The following BCL2 variants were observed in gnomAD, a reference collection of about 807,000 sequenced individuals.
BCL2 encodes the protein apoptosis regulator Bcl-2.
In BCL2, 1 loss-of-function variant was observed where a neutral mutation model predicts 14.2. That is an observed-to-expected ratio of 0.07 (90% CI 0.02 to 0.33). The LOEUF is 0.33. Ranked by LOEUF, BCL2 falls within the 10% of genes least tolerant of loss-of-function variation. The pLI, the probability that BCL2 is intolerant of heterozygous loss-of-function variation, is 0.99. For synonymous variants in BCL2, 151 were observed against 137.2 expected (o/e 1.10, Z -0.70); for missense variants, 247 against 305.9 (o/e 0.81, Z 1.44).
At chr18:63,259,727 G>A (rs954784451) in intron 2 of BCL2, among the ~76,000 whole-genome samples, 9 of 152,204 alleles carry the variant, frequency 5.9e-5, no homozygotes, top group Admixed American at 2.0e-4. Context: ...AGGTCACCTC[G>A]GAATGGACTT....
At chr18:63,282,793 A>C (rs1343709817) in intron 2 of BCL2, among the ~76,000 whole-genome samples, 4 of 152,198 alleles carry the variant, frequency 2.6e-5, no homozygotes, top group Admixed American at 2.6e-4. Flanking sequence ...ATATATAGAT[A>C]TATATATCAT....
chr18:63,278,518 C>T (rs1171858007), intron 2 of BCL2, among the ~76,000 whole-genome samples: 12 of 152,196 alleles, frequency 7.9e-5, no homozygotes, highest in Admixed American at 7.9e-4. Context: ...ATCACCCTGG[C>T]CTGCCTTCAG....
At chr18:63,290,329 C>T (rs1276135926) in intron 2 of BCL2, among the ~76,000 whole-genome samples, 1 of 151,886 alleles carries the variant, frequency 6.6e-6, no homozygotes, top group African/African-American at 2.4e-5. Context: ...CAGCTGCATA[C>T]AGACGATACG....
Position 63,180,588 on chromosome 18 carries a change from C to T in BCL2, c.586-51829G>A, listed in dbSNP as rs118052943. 8.0e-4 allele frequency among the ~76,000 whole-genome samples: 117 copies of T among 146,258 alleles called. No homozygotes were observed. The East Asian group carries it at 0.017, about 22-fold the overall frequency. On this transcript the variant is annotated intron_variant, in intron 2 of 2. Coordinates refer to ENST00000333681, the MANE Select transcript of BCL2 (RefSeq NM_000633.3). ...CACTTTCCCAGGCTGACCACGGCAA[C>T]GTGAATGCTTCGCTGCCAGCCAGCT... is the stretch of plus-strand genomic sequence containing the variant.
chr18:63,198,011 T>G (rs1487649422), intron 2 of BCL2, among the ~76,000 whole-genome samples: 1 of 152,218 alleles, frequency 6.6e-6, no homozygotes, highest in Non-Finnish European at 1.5e-5. Flanking sequence ...GCTTTTCAGG[T>G]TATTTGGTCT....
chr18:63,283,057 T>C (rs896428676), intron 2 of BCL2, among the ~76,000 whole-genome samples: 3 of 152,244 alleles, frequency 2.0e-5, no homozygotes, highest in Non-Finnish European at 2.9e-5. Context: ...AGTACTTCTA[T>C]TGAATGCTCC....
Position 63,318,562 on chromosome 18 carries a change from C to G in BCL2, c.105G>C (p.Val35=). The change falls in exon 2 of 3, where the codon GTG becomes GTC. Residue 35 remains valine (V), a synonymous_variant. Coordinates refer to ENST00000333681, the MANE Select transcript of BCL2 (RefSeq NM_000633.3). This position sits in a 1 kb window ranked among gnomAD's most constrained non-coding sequence, Gnocchi z 7.4. ...GGGCGGCCCCCGGGGGCGCGGCGCCCACATCTCCCGCATCCCACTCGTAGC... is the reference window on the plus strand; with the variant it reads ...GGGCGGCCCCCGGGGGCGCGGCGCCGACATCTCCCGCATCCCACTCGTAGC... ...QRGYEWDAGD[V]GAAPPGAAPA... 2 of 1,593,518 alleles carry G rather than the reference C, an allele frequency of 1.3e-6. No individual in the cohort carries two copies. The highest frequency in any genetic ancestry group is 1.7e-6 in the Non-Finnish European group (2 of 1,171,910).
chr18:63,226,313 G>A (rs778664243), intron 2 of BCL2, among the ~76,000 whole-genome samples: 3 of 152,150 alleles, frequency 2.0e-5, no homozygotes, highest in African/African-American at 4.8e-5. Flanking sequence ...GGCAACATTC[G>A]AGTGGGAAAA....
At chr18:63,236,010 C>T (rs1171001628) in intron 2 of BCL2, among the ~76,000 whole-genome samples, 1 of 152,182 alleles carries the variant, frequency 6.6e-6, no homozygotes, top group Non-Finnish European at 1.5e-5. Context: ...ATAATCCCCA[C>T]GTATCATGGG....
chr18:63,184,180 G>T (rs765546894), intron 2 of BCL2, among the ~76,000 whole-genome samples: 2 of 152,230 alleles, frequency 1.3e-5, no homozygotes, highest in Non-Finnish European at 2.9e-5. Context: ...AAGGAGCCTT[G>T]ACCAACTACC....
chr18:63,206,993 A>C (rs532006270), intron 2 of BCL2, among the ~76,000 whole-genome samples: 26 of 152,300 alleles, frequency 1.7e-4, no homozygotes, highest in African/African-American at 6.3e-4. Context: ...CTGCTGACAG[A>C]GGCTGACAGA....
chr18:63,311,513 C>G (rs1248981850), intron 2 of BCL2, among the ~76,000 whole-genome samples: 1 of 152,166 alleles, frequency 6.6e-6, no homozygotes, highest in Non-Finnish European at 1.5e-5. Context: ...TAAAGCTTCA[C>G]TTGACACAGT....
intron 2 of BCL2, among the ~76,000 whole-genome samples, chr18:63,156,630 C>T (rs940103434): frequency 2.6e-5 from 4 of 152,210 alleles, no homozygotes; most frequent in African/African-American, 7.2e-5. Flanking sequence ...CCACCTCCCC[C>T]GTCCACCTGA....
intron 2 of BCL2, among the ~76,000 whole-genome samples, chr18:63,273,129 G>A (rs1912050297): frequency 6.6e-6 from 1 of 152,144 alleles, no homozygotes; most frequent in Non-Finnish European, 1.5e-5. Context: ...GTTTTTAAGT[G>A]GCAAATTTTA....
intron 2 of BCL2, among the ~76,000 whole-genome samples, chr18:63,175,444 C>T (rs1915329918): frequency 6.6e-6 from 1 of 152,160 alleles, no homozygotes; most frequent in Non-Finnish European, 1.5e-5. Context: ...GCACCTAGGC[C>T]AATCAGACTA....
At chr18:63,214,204 G>A (rs1361849775) in intron 2 of BCL2, among the ~76,000 whole-genome samples, 1 of 152,214 alleles carries the variant, frequency 6.6e-6, no homozygotes, top group Non-Finnish European at 1.5e-5. Flanking sequence ...GGAAGTGCCA[G>A]CAGACACCAG....
chr18:63,181,406 T>C (rs4940576), intron 2 of BCL2, among the ~76,000 whole-genome samples: 104,692 of 151,956 alleles, frequency 0.69, 36,494 homozygotes, highest in Non-Finnish European at 0.76. Context: ...CTCTCTCTCT[T>C]AGCTTTGCGA....
At chr18:63,209,675 G>C (rs1212662994) in intron 2 of BCL2, among the ~76,000 whole-genome samples, 1 of 152,140 alleles carries the variant, frequency 6.6e-6, no homozygotes, top group Non-Finnish European at 1.5e-5. Context: ...TATGGGTTTT[G>C]GAACAACCTG....
At chr18:63,291,220 G>A (rs1599293972) in intron 2 of BCL2, among the ~76,000 whole-genome samples, 2 of 152,204 alleles carry the variant, frequency 1.3e-5, no homozygotes, top group African/African-American at 4.8e-5. Context: ...AGTAGATGCT[G>A]ATTTTCTTCC....
Sources: gnomAD v4.1 joint callset for allele counts (sites outside exome capture counted in the v4.1 genomes callset) on GRCh38, gnomAD v4.1.1 for gene constraint, Gnocchi (gnomAD v3.1) non-coding constraint, MANE v1.5 for transcripts, NCBI Gene and HGNC (gene_info 2026-07-23, HGNC 2026-07-21) for gene names.